Variants in ZFHX3 observed in about 807,000 individuals in gnomAD.
ZFHX3 encodes zinc finger homeobox protein 3.
In ZFHX3, 42 loss-of-function variants were observed where a neutral mutation model predicts 279.1. That is an observed-to-expected ratio of 0.15 (90% CI 0.12 to 0.19). ZFHX3 has a LOEUF of 0.19. ZFHX3 is among the 10% of genes least tolerant of loss of function. The probability of loss-of-function intolerance (pLI) is 1.00; values close to 1 mark genes in which losing one functional copy is unlikely to be tolerated. For synonymous variants in ZFHX3, 2,293 were observed against 1,957.8 expected (o/e 1.17, Z -4.52); for missense variants, 4,981 against 4,754.0 (o/e 1.05, Z -1.40).
At chr16:73,138,833 A>G (rs371566096) in intron 6 of ZFHX3, among the ~76,000 whole-genome samples, 5 of 152,106 alleles carry the variant, frequency 3.3e-5, no homozygotes, top group Admixed American at 3.3e-4. Flanking sequence ...GACCACAGGC[A>G]CGCACCACTA....
intron 1 of ZFHX3, among the ~76,000 whole-genome samples, chr16:73,692,290 G>C (rs765507860): frequency 1.3e-5 from 2 of 152,104 alleles, no homozygotes; most frequent in Non-Finnish European, 2.9e-5. Flanking sequence ...AACTCTAAGA[G>C]TTTCATTTGT....
At chr16:73,815,223 A>C (rs1449248272) in intron 1 of ZFHX3, among the ~76,000 whole-genome samples, 1 of 152,222 alleles carries the variant, frequency 6.6e-6, no homozygotes, top group African/African-American at 2.4e-5. Context: ...TTCTGCAGTG[A>C]AACAAATCAC....
At chr16:73,003,254 C>T (rs2144601433) in intron 1 of ZFHX3, among the ~76,000 whole-genome samples, 1 of 151,564 alleles carries the variant, frequency 6.6e-6, no homozygotes, top group African/African-American at 2.4e-5. Flanking sequence ...CTCAGGGTTT[C>T]CTTATTACAA....
At chr16:73,776,829 C>A (rs973033854) in intron 1 of ZFHX3, among the ~76,000 whole-genome samples, 1 of 152,202 alleles carries the variant, frequency 6.6e-6, no homozygotes, top group Non-Finnish European at 1.5e-5. Flanking sequence ...CCCGCCTGAA[C>A]CGTTCGCACT....
intron 1 of ZFHX3, among the ~76,000 whole-genome samples, chr16:73,795,207 T>C (rs1959956020): frequency 6.6e-6 from 1 of 152,224 alleles, no homozygotes. Flanking sequence ...AGCATCTGGC[T>C]CTGATACATA....
chr16:73,301,486 C>T (rs2015054613), intron 4 of ZFHX3, among the ~76,000 whole-genome samples: 1 of 152,194 alleles, frequency 6.6e-6, no homozygotes, highest in African/African-American at 2.4e-5. Flanking sequence ...CTCTACCCTC[C>T]AGATGCCTAC....
At chr16:73,711,128 T>C (rs1457812239) in intron 1 of ZFHX3, among the ~76,000 whole-genome samples, 2 of 152,170 alleles carry the variant, frequency 1.3e-5, no homozygotes, top group Admixed American at 6.5e-5. Flanking sequence ...GGTTGTTTTA[T>C]TTAACTGAAG....
chr16:73,769,076 G>T (rs1057042457), intron 1 of ZFHX3, among the ~76,000 whole-genome samples: 1 of 152,074 alleles, frequency 6.6e-6, no homozygotes, highest in Non-Finnish European at 1.5e-5. Flanking sequence ...ACTAAACTGG[G>T]CATCCTGTAT....
intron 4 of ZFHX3, among the ~76,000 whole-genome samples, chr16:72,870,717 C>CAAAAAAAAAA (rs71156125): frequency 3.0e-5 from 3 of 101,534 alleles, no homozygotes; most frequent in Non-Finnish European, 3.9e-5. Context: ...GACTCTGTCT[C>CAAAAAAAAAA]AAAAAAAAAA....
chr16:73,403,680 G>A (rs2017303169), intron 3 of ZFHX3, among the ~76,000 whole-genome samples: 1 of 152,180 alleles, frequency 6.6e-6, no homozygotes, highest in African/African-American at 2.4e-5. Flanking sequence ...CGGGCTGGAG[G>A]GAGCTGAGCA....
chr16:72,795,020 C>A lies in ZFHX3; in HGVS notation c.7662G>T (p.Leu2554=). ...GGTGGATGAACTGGTTCTGCGCGCT[C>A]AGGAAGTGGAGCTGCTGATGCTCCT... ...HWQEHQQLHF[L]SAQNQFIHPQ... Residue 2554 remains leucine, a synonymous_variant, in exon 9 of 10, where the codon CTG becomes CTT. Transcript: ENST00000268489. The A allele has an allele frequency of 6.2e-7, 1 of 1,614,194 alleles. No individual in the cohort carries two copies. The highest frequency in any genetic ancestry group is 8.5e-7 in the Non-Finnish European group (1 of 1,180,040).
chr16:72,856,976 A>G (rs1475000576), intron 4 of ZFHX3, among the ~76,000 whole-genome samples: 2 of 152,222 alleles, frequency 1.3e-5, no homozygotes. Context: ...GGAGAACTCC[A>G]CACTGACACC....
chr16:72,876,307 G>A (rs999624721), intron 4 of ZFHX3, among the ~76,000 whole-genome samples: 1 of 152,182 alleles, frequency 6.6e-6, no homozygotes, highest in Non-Finnish European at 1.5e-5. Flanking sequence ...TCTCGCTTGA[G>A]AAACATGATG....
intron 2 of ZFHX3, among the ~76,000 whole-genome samples, chr16:73,559,278 C>T (rs2020334733): frequency 6.6e-6 from 1 of 152,122 alleles, no homozygotes; most frequent in Non-Finnish European, 1.5e-5. Flanking sequence ...AAACTCCTGG[C>T]TTCAAGTGAT....
intron 3 of ZFHX3, among the ~76,000 whole-genome samples, chr16:72,912,108 T>C (rs1217895959): frequency 6.6e-6 from 1 of 152,192 alleles, no homozygotes; most frequent in Non-Finnish European, 1.5e-5. Context: ...ACATGTGCCA[T>C]TGCTGCCTGT....
chr16:73,101,303 C>T (rs12931921), intron 7 of ZFHX3, among the ~76,000 whole-genome samples: 1 of 152,204 alleles, frequency 6.6e-6, no homozygotes, highest in Non-Finnish European at 1.5e-5. Context: ...CTAAGGTGGG[C>T]TTCAGACTCC....
chr16:73,415,037 T>C (rs1407379761), intron 3 of ZFHX3, among the ~76,000 whole-genome samples: 1 of 152,218 alleles, frequency 6.6e-6, no homozygotes, highest in African/African-American at 2.4e-5. Flanking sequence ...GATCAATTCC[T>C]GGGTGTCTAG....
At chr16:73,637,222 T>A (rs77842336) in intron 2 of ZFHX3, among the ~76,000 whole-genome samples, 28,916 of 150,414 alleles carry the variant, frequency 0.19, 2,927 homozygotes, top group South Asian at 0.2. Flanking sequence ...CCATATTTTT[T>A]TTTTGTTCTT....
chr16:73,431,748 C>T (rs1437824585), intron 3 of ZFHX3, among the ~76,000 whole-genome samples: 1 of 152,012 alleles, frequency 6.6e-6, no homozygotes, highest in Non-Finnish European at 1.5e-5. Flanking sequence ...AAGGGATGTA[C>T]TTTGATTACA....
Sources: allele counts gnomAD v4.1 joint callset (sites outside exome capture counted in the v4.1 genomes callset), GRCh38; gene constraint gnomAD v4.1.1; transcripts MANE v1.5; gene names NCBI Gene and HGNC (gene_info 2026-07-23, HGNC 2026-07-21).